FHIT: variants seen among roughly 807,000 people sequenced by gnomAD.
FHIT encodes the protein fragile histidine triad diadenosine triphosphatase, also known as bis(5'-adenosyl)-triphosphatase.
In FHIT, 19 loss-of-function variants were observed where a neutral mutation model predicts 17.9. The observed-to-expected ratio is 1.06, with a 90% CI of 0.74 to 1.56. The LOEUF (loss-of-function observed/expected upper bound fraction) is 1.56. Ranked by LOEUF, FHIT falls within the 40% of genes most tolerant of loss-of-function variation. The pLI is 0.00. For missense variants in FHIT, 248 were observed against 189.2 expected (o/e 1.31, Z -1.82); for synonymous variants, 81 against 69.7 (o/e 1.16, Z -0.81).
chr3:60,588,111 T>C (rs964386998), intron 4 of FHIT, among the ~76,000 whole-genome samples: 3 of 152,054 alleles, frequency 2.0e-5, no homozygotes, highest in African/African-American at 7.2e-5. Context: ...CCATCTTCCA[T>C]CATTCACGTG....
chr3:61,204,447 G>A (rs2039139825), intron 1 of FHIT, among the ~76,000 whole-genome samples: 1 of 151,978 alleles, frequency 6.6e-6, no homozygotes, highest in African/African-American at 2.4e-5. Flanking sequence ...CAAAAGAACA[G>A]AAATTTCCAA....
chr3:60,221,483 T>C (rs967240918), intron 5 of FHIT, among the ~76,000 whole-genome samples: 5 of 152,152 alleles, frequency 3.3e-5, no homozygotes, highest in African/African-American at 9.7e-5. Context: ...TGTGAAAATA[T>C]CAGATCGTAT....
intron 7 of FHIT, among the ~76,000 whole-genome samples, chr3:59,956,254 T>C (rs1707390831): frequency 6.6e-6 from 1 of 152,162 alleles, no homozygotes; most frequent in Non-Finnish European, 1.5e-5. Flanking sequence ...AAAGACAGTC[T>C]TCTGGCCAGG....
At chr3:60,400,774 G>C (rs140426898) in intron 5 of FHIT, among the ~76,000 whole-genome samples, 311 of 152,242 alleles carry the variant, frequency 2.0e-3, no homozygotes, top group African/African-American at 7.1e-3. Context: ...TAGGGAGTAC[G>C]AAATCTCTCT....
intron 2 of FHIT, among the ~76,000 whole-genome samples, chr3:61,111,168 G>A (rs1340255192): frequency 6.6e-6 from 1 of 152,160 alleles, no homozygotes; most frequent in Non-Finnish European, 1.5e-5. Flanking sequence ...AGATGGTCTT[G>A]AGCATATCAT....
chr3:61,136,086 G>T (rs1222861752), intron 2 of FHIT, among the ~76,000 whole-genome samples: 1 of 152,022 alleles, frequency 6.6e-6, no homozygotes, highest in East Asian at 1.9e-4. Flanking sequence ...AGGAGGGAGA[G>T]GGAATGAGGT....
chr3:59,844,417 T>A (rs528586606), intron 8 of FHIT, among the ~76,000 whole-genome samples: 1 of 152,234 alleles, frequency 6.6e-6, no homozygotes, highest in East Asian at 1.9e-4. Context: ...GAACATGATG[T>A]TCAATGTGGG....
intron 3 of FHIT, among the ~76,000 whole-genome samples, chr3:60,903,612 T>C (rs1200952395): frequency 6.6e-6 from 1 of 152,232 alleles, no homozygotes; most frequent in Non-Finnish European, 1.5e-5. Context: ...GCCGAGTGCA[T>C]CTAACTCATT....
chr3:60,481,828 C>T (rs749508760), intron 5 of FHIT, among the ~76,000 whole-genome samples: 73 of 152,032 alleles, frequency 4.8e-4, no homozygotes, highest in African/African-American at 1.2e-4. Flanking sequence ...CATAACAATA[C>T]GAACCTTAAA....
At chr3:60,578,906 T>C (rs1386585256) in intron 4 of FHIT, among the ~76,000 whole-genome samples, 2 of 152,142 alleles carry the variant, frequency 1.3e-5, no homozygotes, top group African/African-American at 4.8e-5. Flanking sequence ...ATGTCTTCTT[T>C]TATATACCAT....
intron 8 of FHIT, among the ~76,000 whole-genome samples, chr3:59,847,495 C>T (rs1040149072): frequency 3.3e-5 from 5 of 151,952 alleles, no homozygotes; most frequent in African/African-American, 1.2e-4. Context: ...TTGACTTTCC[C>T]CAATTATTCC....
chr3:60,785,501 C>A (rs1326835415), intron 4 of FHIT, among the ~76,000 whole-genome samples: 1 of 152,150 alleles, frequency 6.6e-6, no homozygotes, highest in African/African-American at 2.4e-5. Flanking sequence ...CATGGACTTG[C>A]AGAGGGTTTA....
At chr3:60,617,564 GC>G (rs1190538690) in intron 4 of FHIT, 3 of 152,648 alleles carry the variant, frequency 2.0e-5, no homozygotes, top group Non-Finnish European at 4.4e-5. Flanking sequence ...ATTTTTACAG[GC>G]AAGTTTCAAT....
intron 8 of FHIT, among the ~76,000 whole-genome samples, chr3:59,802,071 C>A (rs779105105): frequency 1.3e-5 from 2 of 152,206 alleles, no homozygotes; most frequent in Non-Finnish European, 2.9e-5. Context: ...GTAGTATATG[C>A]CACAGGCTGC....
At chr3:60,829,700 A>G (rs1384015984) in intron 3 of FHIT, among the ~76,000 whole-genome samples, 2 of 152,002 alleles carry the variant, frequency 1.3e-5, no homozygotes, top group Non-Finnish European at 2.9e-5. Flanking sequence ...TGTCAGATGG[A>G]TGAAGAATAT....
chr3:60,869,500 T>C (rs1170625101), intron 3 of FHIT, among the ~76,000 whole-genome samples: 1 of 152,166 alleles, frequency 6.6e-6, no homozygotes, highest in African/African-American at 2.4e-5. Flanking sequence ...TTACCTGTCA[T>C]AGTTCTAGCC....
chr3:60,000,479 T>C (rs1346183625), intron 7 of FHIT, among the ~76,000 whole-genome samples: 3 of 152,158 alleles, frequency 2.0e-5, no homozygotes, highest in Non-Finnish European at 4.4e-5. Context: ...ATGTTTACTA[T>C]CTGGCCTTTT....
chr3:60,833,959 C>A (rs1702427963), intron 3 of FHIT, among the ~76,000 whole-genome samples: 1 of 152,068 alleles, frequency 6.6e-6, no homozygotes, highest in African/African-American at 2.4e-5. Context: ...CAAGTAGTTT[C>A]ATGTATTAAT....
intron 8 of FHIT, among the ~76,000 whole-genome samples, chr3:59,767,484 G>C (rs1424334351): frequency 6.6e-6 from 1 of 152,178 alleles, no homozygotes; most frequent in Admixed American, 6.5e-5. Flanking sequence ...GGGCAACAGA[G>C]TGAGACTTGG....
Sources: allele counts gnomAD v4.1 joint callset (sites outside exome capture counted in the v4.1 genomes callset), GRCh38; gene constraint gnomAD v4.1.1; transcripts MANE v1.5; gene names NCBI Gene and HGNC (gene_info 2026-07-23, HGNC 2026-07-21).